Variants in ADAMTSL1 observed in about 807,000 individuals in gnomAD.
The protein encoded by ADAMTSL1 is ADAMTS like 1, also known as ADAMTS-like protein 1.
In ADAMTSL1, 126 loss-of-function variants were observed where a neutral mutation model predicts 201.8. The ratio of observed to expected loss-of-function variants is 0.62; its 90% CI spans 0.54 to 0.72. The LOEUF (loss-of-function observed/expected upper bound fraction) is 0.72, where lower values mean the gene tolerates loss of function less well. ADAMTSL1 is among the 30% of genes least tolerant of loss of function. The pLI, the probability that ADAMTSL1 is intolerant of heterozygous loss-of-function variation, is 0.00. For synonymous variants in ADAMTSL1, 1,121 were observed against 903.4 expected, an observed-to-expected ratio of 1.24 and a Z score of -4.32; for missense variants, 2,679 against 2,277.8, an observed-to-expected ratio of 1.18 and a Z score of -3.59.
chr9:18,730,954 G>C (rs1156527492), intron 15 of ADAMTSL1, among the ~76,000 whole-genome samples: 1 of 152,242 alleles, frequency 6.6e-6, no homozygotes, highest in Non-Finnish European at 1.5e-5. Flanking sequence ...CCTGGAGCTT[G>C]ACACTTACTC....
At chr9:18,827,619 C>T (rs566166092) in intron 22 of ADAMTSL1, among the ~76,000 whole-genome samples, 84 of 152,348 alleles carry the variant, frequency 5.5e-4, no homozygotes, top group African/African-American at 1.8e-3. Context: ...CACTGAGTTA[C>T]GGTGCTTACC....
intron 23 of ADAMTSL1, among the ~76,000 whole-genome samples, chr9:18,842,879 T>C (rs990256281): frequency 6.6e-6 from 1 of 152,128 alleles, no homozygotes; most frequent in African/African-American, 2.4e-5. Flanking sequence ...TTGTTTTCCA[T>C]TTGCTTGGTA....
At chr9:18,035,987 A>G (rs551506199) in intron 1 of ADAMTSL1, among the ~76,000 whole-genome samples, 1 of 152,310 alleles carries the variant, frequency 6.6e-6, no homozygotes, top group Admixed American at 6.5e-5. Flanking sequence ...TAGCCAAGAA[A>G]GCCTACACCA....
At chr9:18,322,056 A>G (rs184651936) in intron 2 of ADAMTSL1, among the ~76,000 whole-genome samples, 1 of 152,332 alleles carries the variant, frequency 6.6e-6, no homozygotes, top group African/African-American at 2.4e-5. Flanking sequence ...TAAGACATCA[A>G]TGAGAGATTA....
At chr9:18,078,952 C>T (rs973450777) in intron 1 of ADAMTSL1, among the ~76,000 whole-genome samples, 1 of 152,192 alleles carries the variant, frequency 6.6e-6, no homozygotes, top group Admixed American at 6.5e-5. Flanking sequence ...CTCTCCTTGG[C>T]TCCCATATCA....
In ADAMTSL1 at chr9:18,294,363, C is replaced by T. The variant is rs184634253; in HGVS notation, c.207+130382C>T. ...TTTTCCTGCATCTACTTATTGTGGTCTTTTGTTTTGTGTGCTAAAAATAAC... is the reference window on the plus strand; with the variant it reads ...TTTTCCTGCATCTACTTATTGTGGTTTTTTGTTTTGTGTGCTAAAAATAAC... On this transcript the variant is annotated intron_variant, in intron 2 of 29. Coordinates refer to the ADAMTSL1 transcript ENST00000680146. Among the ~76,000 whole-genome samples, 9 of 152,272 alleles carry T rather than the reference C, an allele frequency of 5.9e-5. No homozygotes were observed. The South Asian group carries it at 6.2e-4, about 11-fold the overall frequency.
At chr9:18,753,566 G>T in intron 16 of ADAMTSL1, 58 bp downstream of exon 16, 1 of 1,542,476 alleles carries the variant, frequency 6.5e-7, no homozygotes, top group South Asian at 1.2e-5. Context: ...ACTCAAAAAA[G>T]GGATGCTCTC....
At chr9:18,889,858 C>G (rs1333889255) in intron 25 of ADAMTSL1, 110 bp downstream of exon 25, 2 of 1,124,204 alleles carry the variant, frequency 1.8e-6, no homozygotes, top group Non-Finnish European at 2.3e-6. Flanking sequence ...GAGATGCCAG[C>G]CAAGGAGCTG....
chr9:18,561,381 A>G (rs1821485694), intron 3 of ADAMTSL1, among the ~76,000 whole-genome samples: 1 of 152,192 alleles, frequency 6.6e-6, no homozygotes, highest in Non-Finnish European at 1.5e-5. Context: ...ATTTGATTGC[A>G]CTGTGGTCTG....
chr9:18,482,157 G>T (rs1821760907), intron 1 of ADAMTSL1, among the ~76,000 whole-genome samples: 1 of 152,216 alleles, frequency 6.6e-6, no homozygotes, highest in Non-Finnish European at 1.5e-5. Flanking sequence ...AAGTAGGATA[G>T]TTGAAAGAAA....
intron 14 of ADAMTSL1, chr9:18,718,630 G>T (rs1833118812): frequency 2.8e-6 from 1 of 360,946 alleles, no homozygotes; most frequent in South Asian, 2.1e-5. Context: ...CAGCAGTCCT[G>T]CCGCTGCCGC....
chr9:18,072,314 C>G (rs1411400238), intron 1 of ADAMTSL1, among the ~76,000 whole-genome samples: 2 of 152,118 alleles, frequency 1.3e-5, no homozygotes, highest in Non-Finnish European at 2.9e-5. Context: ...GGTGCAGCAA[C>G]AGGAATAAAA....
At chr9:18,460,715 A>G (rs1167896216) in intron 2 of ADAMTSL1, among the ~76,000 whole-genome samples, 6 of 152,204 alleles carry the variant, frequency 3.9e-5, no homozygotes, top group Admixed American at 6.5e-5. Flanking sequence ...GAACAGACCA[A>G]TGAAAATACT....
At chr9:18,067,166 G>A (rs932371102) in intron 1 of ADAMTSL1, among the ~76,000 whole-genome samples, 1 of 152,170 alleles carries the variant, frequency 6.6e-6, no homozygotes, top group Non-Finnish European at 1.5e-5. Context: ...TTAAGGGTTA[G>A]CCTGACTCTT....
At chr9:18,215,814 G>A (rs374332082) in intron 2 of ADAMTSL1, among the ~76,000 whole-genome samples, 1 of 152,310 alleles carries the variant, frequency 6.6e-6, no homozygotes, top group Middle Eastern at 3.4e-3. Flanking sequence ...TGTCCTCACG[G>A]AGAACTCTGA....
chr9:18,609,332 T>C (rs34157511), intron 4 of ADAMTSL1, among the ~76,000 whole-genome samples: 9,331 of 152,244 alleles, frequency 0.061, 367 homozygotes, highest in Non-Finnish European at 0.091. Flanking sequence ...TTCAGAAAAG[T>C]ATTTTTCATT....
intron 2 of ADAMTSL1, among the ~76,000 whole-genome samples, chr9:18,436,201 G>A (rs925575304): frequency 4.6e-5 from 7 of 152,122 alleles, no homozygotes; most frequent in African/African-American, 1.7e-4. Context: ...AGAGGCTGAA[G>A]AAGATTGTGC....
At chr9:18,174,300 T>C (rs1351948800) in intron 2 of ADAMTSL1, among the ~76,000 whole-genome samples, 1 of 152,142 alleles carries the variant, frequency 6.6e-6, no homozygotes, top group Non-Finnish European at 1.5e-5. Flanking sequence ...AAATAGACCA[T>C]GTCTGACTTA....
intron 2 of ADAMTSL1, among the ~76,000 whole-genome samples, chr9:18,284,407 T>C (rs1280447618): frequency 6.6e-6 from 1 of 152,192 alleles, no homozygotes; most frequent in Non-Finnish European, 1.5e-5. Flanking sequence ...CATTAGAACT[T>C]TCCATCTTTA....
Sources: allele counts gnomAD v4.1 joint callset (sites outside exome capture counted in the v4.1 genomes callset), GRCh38; gene constraint gnomAD v4.1.1; transcripts MANE v1.5; gene names NCBI Gene and HGNC (gene_info 2026-07-23, HGNC 2026-07-21).